Variants in PLCE1 observed in about 807,000 individuals in gnomAD.
PLCE1 encodes the protein phospholipase C epsilon 1.
A neutral mutation model predicts 242.8 loss-of-function variants in PLCE1; 119 were observed. The ratio of observed to expected loss-of-function variants is 0.49; its 90% CI spans 0.42 to 0.57. The LOEUF (loss-of-function observed/expected upper bound fraction) is 0.57, where lower values mean the gene tolerates loss of function less well. Among genes scored for constraint, PLCE1 ranks in the 20% least tolerant of loss-of-function variants. The pLI is 0.00. For missense variants in PLCE1, 2,441 were observed against 2,788.8 expected (o/e 0.88, Z 2.81); for synonymous variants, 945 against 1,017.4 (o/e 0.93, Z 1.35).
intron 2 of PLCE1, among the ~76,000 whole-genome samples, chr10:94,098,504 C>T (rs1370474854): frequency 1.3e-5 from 2 of 151,974 alleles, no homozygotes; most frequent in Non-Finnish European, 2.9e-5. Context: ...TAAATATTTC[C>T]GAATTATGAT....
chr10:94,256,685 G>A (rs1005827853), intron 11 of PLCE1, among the ~76,000 whole-genome samples: 2 of 152,152 alleles, frequency 1.3e-5, no homozygotes, highest in East Asian at 3.8e-4. Flanking sequence ...TCATGAGCAG[G>A]AAAAGAAAGG....
intron 11 of PLCE1, among the ~76,000 whole-genome samples, chr10:94,257,538 A>G (rs966788582): frequency 6.6e-6 from 1 of 152,236 alleles, no homozygotes; most frequent in Admixed American, 6.5e-5. Context: ...CATCAATGAT[A>G]GACTGGATTA....
At chr10:94,053,055 G>A (rs2043807023) in intron 2 of PLCE1, among the ~76,000 whole-genome samples, 1 of 152,136 alleles carries the variant, frequency 6.6e-6, no homozygotes, top group South Asian at 2.1e-4. Context: ...GAAAACTTTT[G>A]GAATGCCCTT....
intron 24 of PLCE1, among the ~76,000 whole-genome samples, chr10:94,304,158 T>C (rs889170473): frequency 6.6e-6 from 1 of 152,220 alleles, no homozygotes; most frequent in Admixed American, 6.5e-5. Flanking sequence ...ACAAGATTTT[T>C]CAGACAGATG....
At chr10:94,069,318 G>A (rs1257513842) in intron 2 of PLCE1, among the ~76,000 whole-genome samples, 4 of 152,268 alleles carry the variant, frequency 2.6e-5, no homozygotes, top group East Asian at 3.9e-4. Flanking sequence ...TCTACCGAGG[G>A]ACCAGGCATG....
intron 32 of PLCE1, among the ~76,000 whole-genome samples, chr10:94,326,234 C>G (rs11187866): frequency 0.089 from 13,525 of 152,208 alleles, 679 homozygotes; most frequent in East Asian, 0.2. Context: ...GCCTTTATGA[C>G]AATGAGGAAC....
intron 1 of PLCE1, among the ~76,000 whole-genome samples, chr10:93,997,553 G>C (rs1353395375): frequency 6.6e-6 from 1 of 150,644 alleles, no homozygotes; most frequent in African/African-American, 2.4e-5. Flanking sequence ...AAAGTGGGCT[G>C]TCTCCAGAGT....
intron 4 of PLCE1, 43 bp downstream of exon 4, chr10:94,171,539 T>A: frequency 6.7e-7 from 1 of 1,487,788 alleles, no homozygotes; most frequent in Non-Finnish European, 9.4e-7. Flanking sequence ...GACTCACCCG[T>A]AAGTGATTTT....
intron 4 of PLCE1, among the ~76,000 whole-genome samples, chr10:94,187,720 G>A (rs1337663719): frequency 1.3e-5 from 2 of 152,130 alleles, no homozygotes; most frequent in East Asian, 3.9e-4. Context: ...GATCCCTCCT[G>A]CCCTGGCACA....
At chr10:94,095,598 A>G (rs2045279204) in intron 2 of PLCE1, among the ~76,000 whole-genome samples, 2 of 152,132 alleles carry the variant, frequency 1.3e-5, no homozygotes, top group Admixed American at 1.3e-4. Context: ...AATGATTGAC[A>G]TTCAGCACTT....
intron 2 of PLCE1, among the ~76,000 whole-genome samples, chr10:94,071,488 G>A (rs965395664): frequency 8.3e-6 from 1 of 120,364 alleles, no homozygotes; most frequent in African/African-American, 4.1e-5. Flanking sequence ...GTGTGTGTTT[G>A]GTTTTCGTTT....
Position 94,196,567 on chromosome 10 carries a change from C to T in PLCE1, c.1809+25071C>T, listed in dbSNP as rs2048828850. 3.3e-5 allele frequency among the ~76,000 whole-genome samples: 5 copies of T among 152,196 alleles called. No homozygotes were observed. The South Asian group carries it at 1.0e-3, about 32-fold the overall frequency. The stretch of plus-strand genomic sequence containing the variant: ...TTGGGAAGCCAAGTCAGGAGGATCA[C>T]TTGCAGCCAGGAGTTCAAAACCAGC... On this transcript the variant is annotated intron_variant, in intron 4 of 32. Transcript: ENST00000371380.
chr10:94,039,245 A>G (rs1378376815), intron 2 of PLCE1, among the ~76,000 whole-genome samples: 1 of 152,190 alleles, frequency 6.6e-6, no homozygotes, highest in African/African-American at 2.4e-5. Flanking sequence ...TCTTTTGGAT[A>G]AATACCCAGG....
chr10:94,266,328 A>G (rs2051515371), intron 16 of PLCE1, among the ~76,000 whole-genome samples: 1 of 152,202 alleles, frequency 6.6e-6, no homozygotes, highest in Non-Finnish European at 1.5e-5. Flanking sequence ...TGTAGTGGGA[A>G]AGCATAGTAG....
At chr10:94,220,376 T>TTATTTA (rs1554887055) in intron 4 of PLCE1, among the ~76,000 whole-genome samples, 2 of 61,878 alleles carry the variant, frequency 3.2e-5, no homozygotes, top group African/African-American at 6.3e-5. Context: ...ACTAAACATT[T>TTATTTA]TATATATATA....
At chr10:94,288,011 A>T (rs917576727) in intron 22 of PLCE1, among the ~76,000 whole-genome samples, 1 of 152,018 alleles carries the variant, frequency 6.6e-6, no homozygotes, top group Non-Finnish European at 1.5e-5. Flanking sequence ...ATTTATAGGC[A>T]TATGTTTGGG....
chr10:94,267,610 T>G (rs1207156164), intron 16 of PLCE1, among the ~76,000 whole-genome samples: 2 of 152,222 alleles, frequency 1.3e-5, no homozygotes, highest in African/African-American at 4.8e-5. Flanking sequence ...TATCTAAGGT[T>G]ACACAGACTT....
At chr10:94,111,871 G>A (rs374521678) in intron 2 of PLCE1, among the ~76,000 whole-genome samples, 5 of 152,176 alleles carry the variant, frequency 3.3e-5, no homozygotes, top group South Asian at 2.1e-4. Flanking sequence ...TAGTGCCGCC[G>A]AAGGTTTATA....
chr10:94,255,914 A>ACACACACACACACT (rs1284531207), intron 11 of PLCE1, among the ~76,000 whole-genome samples: 2 of 67,324 alleles, frequency 3.0e-5, no homozygotes, highest in East Asian at 6.6e-4. Flanking sequence ...ACACACACAC[A>ACACACACACACACT]CTCTCTCTCT....
Sources: gnomAD v4.1 joint callset for allele counts (sites outside exome capture counted in the v4.1 genomes callset) on GRCh38, gnomAD v4.1.1 for gene constraint, MANE v1.5 for transcripts, NCBI Gene and HGNC (gene_info 2026-07-23, HGNC 2026-07-21) for gene names.